KCTD1: variants seen among roughly 807,000 people sequenced by gnomAD.
KCTD1 encodes the protein BTB/POZ domain-containing protein KCTD1.
KCTD1 carries 24 observed loss-of-function variants against 66.0 expected under a neutral mutation model. The observed-to-expected ratio is 0.36, with a 90% confidence interval of 0.26 to 0.51. The LOEUF (loss-of-function observed/expected upper bound fraction) is 0.51, where lower values mean the gene tolerates loss of function less well. Among genes scored for constraint, KCTD1 ranks in the 20% least tolerant of loss-of-function variants. The pLI is 0.95. For synonymous variants in KCTD1, 511 were observed against 517.2 expected, an observed-to-expected ratio of 0.99 and a Z score of 0.16; for missense variants, 943 against 1,205.2, an observed-to-expected ratio of 0.78 and a Z score of 3.22.
intron 1 of KCTD1, among the ~76,000 whole-genome samples, chr18:26,583,276 C>T (rs1313329923): frequency 2.6e-5 from 4 of 151,466 alleles, no homozygotes; most frequent in African/African-American, 7.3e-5. Flanking sequence ...CGCCTGTAAT[C>T]CCAGCTACTC....
chr18:26,534,102 C>A (rs1390122267), intron 1 of KCTD1, among the ~76,000 whole-genome samples: 2 of 152,026 alleles, frequency 1.3e-5, no homozygotes, highest in African/African-American at 4.8e-5. Context: ...GATAATCTTA[C>A]TGAAACCTGA....
intron 3 of KCTD1, among the ~76,000 whole-genome samples, chr18:26,474,873 T>C (rs1394248078): frequency 1.3e-5 from 2 of 152,244 alleles, no homozygotes; most frequent in African/African-American, 4.8e-5. Flanking sequence ...TTCATAATAC[T>C]TTTATTGCCC....
intron 1 of KCTD1, among the ~76,000 whole-genome samples, chr18:26,580,717 A>G (rs1038119297): frequency 2.6e-5 from 4 of 152,174 alleles, no homozygotes; most frequent in Non-Finnish European, 5.9e-5. Flanking sequence ...CCGGCCCCCT[A>G]TCTATTTTTG....
chr18:26,494,003 T>C (rs1016830015), intron 2 of KCTD1, among the ~76,000 whole-genome samples: 2 of 152,216 alleles, frequency 1.3e-5, no homozygotes, highest in East Asian at 1.9e-4. Context: ...AGGTAAACTA[T>C]AAGAGCAAGG....
intron 2 of KCTD1, among the ~76,000 whole-genome samples, chr18:26,489,544 T>C (rs1982085100): frequency 7.6e-6 from 1 of 131,050 alleles, no homozygotes; most frequent in South Asian, 2.2e-4. Flanking sequence ...GCCTGGCCTG[T>C]TTTTTTTCTT....
chr18:26,605,368 C>T (rs1161424854), intron 1 of KCTD1, among the ~76,000 whole-genome samples: 1 of 152,162 alleles, frequency 6.6e-6, no homozygotes, highest in Non-Finnish European at 1.5e-5. Flanking sequence ...TTTCCTTTGC[C>T]ATTCCTCCCT....
At chr18:26,514,601 A>G (rs1439624935) in intron 1 of KCTD1, among the ~76,000 whole-genome samples, 2 of 151,200 alleles carry the variant, frequency 1.3e-5, no homozygotes, top group African/African-American at 4.9e-5. Flanking sequence ...GGAAGGAAGT[A>G]GTGTCATGTT....
chr18:26,546,799 G>C lies in KCTD1; in HGVS notation c.1738C>G (p.Pro580Ala), dbSNP rs371654166. The C allele has an allele frequency of 7.1e-6, 11 of 1,548,494 alleles. No homozygotes were observed. The highest frequency in any genetic ancestry group is 9.6e-6 in the Non-Finnish European group (11 of 1,145,882). The change falls in exon 1 of 5, where the codon CCA becomes GCA. Residue 580 changes from proline (P) to alanine (A), a missense_variant. Physicochemically the swap from Pro to Ala is conservative, Grantham distance 27. Transcript: ENST00000580059. ...GTGCTTCTGTGCCCATTGGCTTCTG[G>C]AAGAAGAGGCAGGGGGTCGTGTTTC... ...SVKHDPLPLL[P>A]EANGHRSTNS...
At chr18:26,565,946 T>G (rs896444470) in intron 1 of KCTD1, 1 of 152,152 alleles carries the variant, frequency 6.6e-6, no homozygotes, top group African/African-American at 2.4e-5. Flanking sequence ...TGTTAAGTTT[T>G]GTTTAGGAAA....
intron 1 of KCTD1, among the ~76,000 whole-genome samples, chr18:26,655,052 A>T (rs923330885): frequency 5.9e-5 from 9 of 152,262 alleles, no homozygotes; most frequent in African/African-American, 9.6e-5. Flanking sequence ...GTTGCCACAG[A>T]TTCCCATATA....
upstream of KCTD1, among the ~76,000 whole-genome samples, chr18:26,643,887 A>G (rs538044634): frequency 7.9e-5 from 12 of 152,176 alleles, no homozygotes; most frequent in Admixed American, 2.0e-4. Flanking sequence ...GTGTGAACTC[A>G]GGAGGCGGAG....
At chr18:26,490,715 G>A (rs764469587) in intron 2 of KCTD1, among the ~76,000 whole-genome samples, 24 of 152,114 alleles carry the variant, frequency 1.6e-4, no homozygotes, top group African/African-American at 5.5e-4. Context: ...GACTACTGGC[G>A]GATCTGTTAT....
intron 3 of KCTD1, among the ~76,000 whole-genome samples, chr18:26,463,389 C>G (rs1203653470): frequency 6.6e-6 from 1 of 151,720 alleles, no homozygotes; most frequent in Non-Finnish European, 1.5e-5. Flanking sequence ...TGCACTCCAG[C>G]CTAGGAGACC....
At chr18:26,634,677 T>C (rs770183824) in intron 1 of KCTD1, among the ~76,000 whole-genome samples, 3 of 152,238 alleles carry the variant, frequency 2.0e-5, no homozygotes, top group Admixed American at 2.0e-4. Context: ...TAAATTTGGA[T>C]TAAACTAGAA....
chr18:26,643,822 C>T (rs904901584), upstream of KCTD1, among the ~76,000 whole-genome samples: 2 of 152,124 alleles, frequency 1.3e-5, no homozygotes, highest in Non-Finnish European at 2.9e-5. Flanking sequence ...ATTAGCCGGG[C>T]TTGGTGGCGG....
intron 1 of KCTD1, chr18:26,575,619 T>C (rs1986208446): frequency 6.6e-6 from 1 of 152,228 alleles, no homozygotes; most frequent in African/African-American, 2.4e-5. Flanking sequence ...GCCTGCCAGC[T>C]AGAAAGGGAA....
chr18:26,540,297 T>C (rs2144807697), intron 1 of KCTD1, among the ~76,000 whole-genome samples: 1 of 152,364 alleles, frequency 6.6e-6, no homozygotes, highest in African/African-American at 2.4e-5. Context: ...TCTTGTTGCC[T>C]AGAGGCCTAG....
chr18:26,617,928 GAA>G (rs199828453), intron 1 of KCTD1, among the ~76,000 whole-genome samples: 2 of 136,654 alleles, frequency 1.5e-5, no homozygotes, highest in East Asian at 4.2e-4. Flanking sequence ...CAAAAAGAAG[GAA>G]AAAAAAAAAA....
In KCTD1 at chr18:26,547,367, G is replaced by A; in HGVS notation, c.1170C>T (p.Ser390=). Residue 390 remains serine (S), a synonymous_variant, in exon 1 of 5, where the codon AGC becomes AGT. Transcript: ENST00000580059. The part of the protein sequence containing the change: ...ETGTEFCPYA[S]FVKYLSKRNP... The stretch of plus-strand genomic sequence containing the variant: ...TGCGTTTCGACAGGTACTTGACGAA[G>A]CTGGCGTAGGGGCAGAACTCGGTGC... The A allele has an allele frequency of 1.3e-6, 2 of 1,551,470 alleles. No homozygotes were observed. Among genetic ancestry groups the A allele is most frequent in the Non-Finnish European group, 1.7e-6 (2 of 1,146,778 alleles).
Sources: allele counts gnomAD v4.1 joint callset (sites outside exome capture counted in the v4.1 genomes callset), GRCh38; gene constraint gnomAD v4.1.1; transcripts MANE v1.5; gene names NCBI Gene and HGNC (gene_info 2026-07-23, HGNC 2026-07-21).